The following LRRC71 variants were observed in gnomAD, a reference collection of about 807,000 sequenced individuals.
The protein encoded by LRRC71 is leucine-rich repeat-containing protein 71.
LRRC71 carries 54 observed loss-of-function variants against 66.6 expected under a neutral mutation model. That is an observed-to-expected ratio of 0.81 (90% confidence interval 0.65 to 1.02). The LOEUF (loss-of-function observed/expected upper bound fraction) is 1.02. LRRC71 is among the 50% of genes least tolerant of loss of function. The probability of loss-of-function intolerance (pLI) is 0.00; values close to 1 mark genes in which losing one functional copy is unlikely to be tolerated. For synonymous variants in LRRC71, 323 were observed against 303.9 expected (o/e 1.06, Z -0.65); for missense variants, 724 against 718.0 (o/e 1.01, Z -0.10).
In LRRC71 at chr1:156,932,090, G is replaced by A. The variant is rs1028830462; in HGVS notation, c.1441+63G>A. On this transcript the variant is annotated intron_variant, in intron 13 of 14. Coordinates refer to ENST00000337428, the MANE Select transcript of LRRC71 (RefSeq NM_144702.3). ...GCTACCCGGGCCCTGTCCTGCCTGAGGGTGTTTACCCCGACTCTATGGAGC... is the reference window on the plus strand; with the variant it reads ...GCTACCCGGGCCCTGTCCTGCCTGAAGGTGTTTACCCCGACTCTATGGAGC... The A allele has an allele frequency of 1.6e-5, 21 of 1,341,824 alleles. No individual in the cohort carries two copies. The African/African-American group carries it at 2.8e-4, about 18-fold the overall frequency. 83.1% of individuals were successfully genotyped at this position (1,341,824 alleles called of 1,614,324 possible).
intron 11 of LRRC71, among the ~76,000 whole-genome samples, chr1:156,929,954 C>T (rs372786503): frequency 6.6e-6 from 1 of 152,226 alleles, no homozygotes; most frequent in Non-Finnish European, 1.5e-5. Flanking sequence ...GGAGCTGGAG[C>T]TCTGTGGCCC....
intron 9 of LRRC71, 142 bp from the exon 10 acceptor site, chr1:156,929,138 T>C: frequency 1.0e-6 from 1 of 986,412 alleles, no homozygotes; most frequent in Middle Eastern, 3.2e-4. Context: ...ATACAAATTA[T>C]TTTAGCATTT....
intron 12 of LRRC71, 21 bp downstream of exon 12, chr1:156,930,638 G>C (rs1282043358): frequency 1.3e-6 from 2 of 1,549,322 alleles, no homozygotes; most frequent in Non-Finnish European, 8.7e-7. Context: ...AGGAGGAGTG[G>C]AGGCAGGGGG....
chr1:156,924,874 G>A (rs1652955586), intron 4 of LRRC71, 64 bp from the exon 5 acceptor site: 1 of 1,533,448 alleles, frequency 6.5e-7, no homozygotes, highest in Non-Finnish European at 8.8e-7. Context: ...AACGGTGTGG[G>A]GAGGGTTTTC....
chr1:156,928,405 T>TTCTTCTTCTTCC (rs1557789105), intron 9 of LRRC71, among the ~76,000 whole-genome samples: 1 of 126,622 alleles, frequency 7.9e-6, no homozygotes, highest in South Asian at 2.5e-4. Context: ...CTTCTTCTTC[T>TTCTTCTTCTTCC]TCCTCTTATT....
chr1:156,936,497 A>AAAAAAAAAAAAATAT (rs370282821), downstream of LRRC71, among the ~76,000 whole-genome samples: 1 of 33,916 alleles, frequency 2.9e-5, no homozygotes, highest in African/African-American at 1.5e-4. Flanking sequence ...AAAAAAAAAA[A>AAAAAAAAAAAAATAT]ATATATATAT....
chr1:156,930,099 C>T (rs1174652044), intron 11 of LRRC71, among the ~76,000 whole-genome samples: 30 of 113,122 alleles, frequency 2.7e-4, no homozygotes, highest in African/African-American at 7.8e-4. Flanking sequence ...CTTTCTCTCT[C>T]TTTTTTTTTT....
intron 11 of LRRC71, among the ~76,000 whole-genome samples, 183 bp from the exon 12 acceptor site, chr1:156,930,346 G>A (rs1226909509): frequency 6.6e-6 from 1 of 151,446 alleles, no homozygotes; most frequent in African/African-American, 2.4e-5. Context: ...TCCTGCTTCG[G>A]CCTCCCAAAG....
At chr1:156,924,608 C>T (rs1652913055) in intron 3 of LRRC71, 35 bp from the exon 4 acceptor site, 2 of 1,551,402 alleles carry the variant, frequency 1.3e-6, no homozygotes, top group Non-Finnish European at 8.7e-7. Context: ...TGGAGCCTCC[C>T]AGGTCTGAGG....
intron 12 of LRRC71, among the ~76,000 whole-genome samples, chr1:156,930,833 C>T (rs1654259161): frequency 6.6e-6 from 1 of 152,232 alleles, no homozygotes; most frequent in African/African-American, 2.4e-5. Context: ...CAAGAGCAGA[C>T]CCCTTCTATT....
chr1:156,933,688 AC>A (rs1654684635), downstream of LRRC71, among the ~76,000 whole-genome samples: 1 of 152,162 alleles, frequency 6.6e-6, no homozygotes, highest in Non-Finnish European at 1.5e-5. Context: ...CCAAACCTTT[AC>A]CCTTCAGTGC....
At chr1:156,935,144 T>C (rs1485642390), downstream of LRRC71, 1 of 152,518 alleles carries the variant, frequency 6.6e-6, no homozygotes, top group African/African-American at 2.4e-5. Context: ...GGCCCAGTCC[T>C]CAGCTCCGTA....
chr1:156,928,354 T>TTCC (rs1557788769), intron 9 of LRRC71, among the ~76,000 whole-genome samples: 18 of 148,250 alleles, frequency 1.2e-4, no homozygotes, highest in Non-Finnish European at 1.8e-4. Flanking sequence ...TTTCTTTCTC[T>TTCC]TCTTCTTCCT....
rs772213142 is a variant in LRRC71 at position 156,927,903 on chromosome 1, C to G, written c.907-12C>G. 1 of 1,610,728 alleles carries G rather than the reference C, an allele frequency of 6.2e-7. No individual in the cohort carries two copies. The highest frequency in any genetic ancestry group is 8.5e-7 in the Non-Finnish European group (1 of 1,178,770). ...CCCAGGCGTCCGACCGCTGAGCGCCCGCCTCCTTCAGGTCCTGCGCGCCTT... is the reference window on the plus strand; with the variant it reads ...CCCAGGCGTCCGACCGCTGAGCGCCGGCCTCCTTCAGGTCCTGCGCGCCTT... On this transcript the variant is annotated splice_polypyrimidine_tract_variant and intron_variant, in intron 8 of 14. Transcript: ENST00000337428.
rs1367957209 is a variant in LRRC71 at position 156,924,891 on chromosome 1, G to A, written c.516-47G>A. ...CGGTGTGGGGAGGGTTTTCCAGTAGGAGGGGGCGCTCTAGCTCTGTGTTTC... is the reference window on the plus strand; with the variant it reads ...CGGTGTGGGGAGGGTTTTCCAGTAGAAGGGGGCGCTCTAGCTCTGTGTTTC... On this transcript the variant is annotated intron_variant, in intron 4 of 14. Transcript: ENST00000337428. 1.9e-6 allele frequency: 3 copies of A among 1,546,486 alleles called. No homozygotes were observed. In the African/African-American group the frequency reaches 4.1e-5, roughly 21 times the overall value.
chr1:156,930,739 T>A (rs1654246600), intron 12 of LRRC71, 122 bp downstream of exon 12: 2 of 904,426 alleles, frequency 2.2e-6, no homozygotes, highest in Non-Finnish European at 1.7e-6. Context: ...GCAGCAGCCA[T>A]TTGCCTTCAA....
chr1:156,922,388 T>C (rs1230875942), intron 1 of LRRC71, among the ~76,000 whole-genome samples: 1 of 152,152 alleles, frequency 6.6e-6, no homozygotes, highest in Non-Finnish European at 1.5e-5. Context: ...GAGGTCATGG[T>C]GGCCTTAGCA....
chr1:156,933,325 CATT>C (rs1571085027), downstream of LRRC71, among the ~76,000 whole-genome samples: 1 of 152,218 alleles, frequency 6.6e-6, no homozygotes, highest in East Asian at 1.9e-4. Context: ...AGGGGACATG[CATT>C]ATGCCAGGGT....
At chr1:156,937,376 G>C, downstream of LRRC71, 1 of 1,609,680 alleles carries the variant, frequency 6.2e-7, no homozygotes, top group Non-Finnish European at 8.5e-7. Flanking sequence ...CTGCAGCTGA[G>C]GCTGAGGCTC....
Sources: gnomAD v4.1 joint callset for allele counts (sites outside exome capture counted in the v4.1 genomes callset) on GRCh38, gnomAD v4.1.1 for gene constraint, MANE v1.5 for transcripts, NCBI Gene and HGNC (gene_info 2026-07-23, HGNC 2026-07-21) for gene names.